TJP1: variants seen among roughly 807,000 people sequenced by gnomAD.
The protein encoded by TJP1 is tight junction protein 1.
A neutral mutation model predicts 194.2 loss-of-function variants in TJP1; 43 were observed. The ratio of observed to expected loss-of-function variants is 0.22; its 90% CI spans 0.17 to 0.29. The LOEUF is 0.29. Among genes scored for constraint, TJP1 ranks in the 10% least tolerant of loss-of-function variants. The pLI is 1.00. For synonymous variants in TJP1, 801 were observed against 779.0 expected (o/e 1.03, Z -0.47); for missense variants, 1,971 against 2,185.7 (o/e 0.90, Z 1.96).
At position 29,716,764 on chromosome 15, in the gene TJP1, T is replaced by C. The variant is rs183651470; in HGVS notation, c.4049A>G (p.Glu1350Gly). 2.5e-6 allele frequency: 4 copies of C among 1,614,182 alleles called. No individual in the cohort carries two copies. The highest frequency in any genetic ancestry group is 3.4e-6 in the Non-Finnish European group (4 of 1,180,014). ...CTGTTTTCGATAATATTCTTCATCT[T>C]CTTCAGGGTCATAATGATTGGACCG... is the stretch of plus-strand genomic sequence containing the variant. ...IVRSNHYDPE[E>G]DEEYYRKQLS... Residue 1350 changes from glutamate to glycine, a missense_variant, in exon 23 of 28, where the codon GAA becomes GGA. This residue lies in a region of TJP1 where 1,108 missense variants were observed against 1,128.5 expected (regional missense o/e 0.98). Transcript: ENST00000614355.
chr15:29,943,813 T>C (rs912267525), intron 2 of TJP1, among the ~76,000 whole-genome samples: 3 of 150,350 alleles, frequency 2.0e-5, no homozygotes, highest in Non-Finnish European at 4.4e-5. Flanking sequence ...CTGGGTATGG[T>C]GGCGCGCGCC....
chr15:29,886,544 G>A (rs2053120326), intron 2 of TJP1, among the ~76,000 whole-genome samples: 1 of 151,460 alleles, frequency 6.6e-6, no homozygotes, highest in Admixed American at 6.6e-5. Context: ...AGTGAGCTAT[G>A]ACTGTGCCTG....
intron 2 of TJP1, among the ~76,000 whole-genome samples, chr15:29,919,892 C>T (rs1384730468): frequency 2.4e-4 from 1 of 4,130 alleles, no homozygotes; most frequent in African/African-American, 1.2e-3. Flanking sequence ...TCCTCTTTCC[C>T]CTTCCCAGTG....
chr15:29,791,787 A>G (rs577046706), intron 2 of TJP1, among the ~76,000 whole-genome samples: 2 of 152,012 alleles, frequency 1.3e-5, no homozygotes, highest in Non-Finnish European at 2.9e-5. Context: ...AGCATTTGTT[A>G]TTGCCTGTCT....
chr15:29,822,670 A>T (rs1473190548), upstream of TJP1: 1 of 184,854 alleles, frequency 5.4e-6, no homozygotes, highest in Middle Eastern at 2.6e-3. Flanking sequence ...CTGCCGTGCG[A>T]GTCTTCCTGT....
chr15:29,729,585 C>G (rs968393746), intron 15 of TJP1: 1 of 152,046 alleles, frequency 6.6e-6, no homozygotes. Flanking sequence ...TTTGGGAGGC[C>G]GAGGTGGGCA....
At chr15:29,800,832 A>G in intron 1 of TJP1, 130 bp from the exon 2 acceptor site, 2 of 811,372 alleles carry the variant, frequency 2.5e-6, no homozygotes, top group Non-Finnish European at 3.8e-6. Flanking sequence ...GACACTCTGA[A>G]AGGACCTTAA....
chr15:29,779,797 T>C (rs2047240816), intron 2 of TJP1, among the ~76,000 whole-genome samples: 1 of 152,132 alleles, frequency 6.6e-6, no homozygotes, highest in African/African-American at 2.4e-5. Flanking sequence ...GGCAGTCGAC[T>C]ACATAACAAA....
intron 11 of TJP1, among the ~76,000 whole-genome samples, chr15:29,735,851 T>C (rs980635656): frequency 6.6e-6 from 1 of 152,062 alleles, no homozygotes; most frequent in Non-Finnish European, 1.5e-5. Context: ...CATGCTAAGT[T>C]TGAAGGGAAA....
Position 29,864,511 on chromosome 15 carries a change from T to C in TJP1, c.307-63809A>G, listed in dbSNP as rs532002094. On this transcript the variant is annotated intron_variant, in intron 2 of 28. Coordinates refer to the TJP1 transcript ENST00000356107. ...CATGGCAGGGGCTTATTGAGAATTGTACAGGTTTCCTACCGTCAACACTGT... is the reference window on the plus strand; with the variant it reads ...CATGGCAGGGGCTTATTGAGAATTGCACAGGTTTCCTACCGTCAACACTGT... 5.4e-4 allele frequency among the ~76,000 whole-genome samples: 82 copies of C among 152,292 alleles called. 1 individual carries two copies. In the South Asian group the frequency reaches 0.016, roughly 29 times the overall value.
chr15:29,882,343 T>C lies in TJP1; in HGVS notation c.306+73889A>G, dbSNP rs559804598. On this transcript the variant is annotated intron_variant, in intron 2 of 28. Transcript: ENST00000356107. ...ATAACTACAGAGCCGACTTTAAATATGAAATGGCTTTCATACCTTCATCTC... is the reference window on the plus strand; with the variant it reads ...ATAACTACAGAGCCGACTTTAAATACGAAATGGCTTTCATACCTTCATCTC... Among the ~76,000 whole-genome samples the C allele has an allele frequency of 3.3e-5, 5 of 152,348 alleles. No homozygotes were observed. The South Asian group carries it at 8.3e-4, about 25-fold the overall frequency.
intron 2 of TJP1, among the ~76,000 whole-genome samples, chr15:29,863,702 T>C (rs2152107144): frequency 1.3e-5 from 2 of 152,248 alleles, no homozygotes; most frequent in South Asian, 4.2e-4. Flanking sequence ...CAGCACAATT[T>C]AGAAAGTGGG....
rs554726590 is a variant in TJP1 at position 29,931,002 on chromosome 15, T to G, written c.306+25230A>C. Among the ~76,000 whole-genome samples the G allele has an allele frequency of 2.0e-5, 3 of 152,206 alleles. No individual in the cohort carries two copies. The East Asian group carries it at 5.8e-4, about 29-fold the overall frequency. ...ATGCAGTCAAAAACCCACCTATAAC[T>G]CCTGACTCCCCCCAGAACTTAACTA... is the stretch of plus-strand genomic sequence containing the variant. On this transcript the variant is annotated intron_variant, in intron 2 of 28. Transcript: ENST00000356107.
chr15:29,918,399 G>T (rs2054252876), intron 2 of TJP1, among the ~76,000 whole-genome samples: 1 of 152,122 alleles, frequency 6.6e-6, no homozygotes, highest in Non-Finnish European at 1.5e-5. Flanking sequence ...CAACGTTAAA[G>T]ACAGAAACCA....
intron 2 of TJP1, among the ~76,000 whole-genome samples, chr15:29,848,094 A>G (rs570479363): frequency 6.6e-6 from 1 of 151,406 alleles, no homozygotes; most frequent in African/African-American, 2.4e-5. Context: ...GTTATTTTAA[A>G]TTTCCTGAGG....
chr15:29,784,742 CGA>C (rs2047590618), intron 2 of TJP1, among the ~76,000 whole-genome samples: 1 of 152,000 alleles, frequency 6.6e-6, no homozygotes. Flanking sequence ...ATCAAAATGA[CGA>C]GATACATGGA....
intron 2 of TJP1, among the ~76,000 whole-genome samples, chr15:29,776,902 T>C (rs565859587): frequency 3.3e-5 from 5 of 152,318 alleles, no homozygotes; most frequent in East Asian, 1.9e-4. Context: ...CTATCAAGAA[T>C]TGTTCTCCTT....
At chr15:29,946,498 G>A (rs893119086) in intron 2 of TJP1, among the ~76,000 whole-genome samples, 5 of 152,218 alleles carry the variant, frequency 3.3e-5, no homozygotes, top group South Asian at 2.1e-4. Context: ...CAGGGCATGC[G>A]CCCTGATGCG....
At chr15:29,778,855 C>A (rs1214197231) in intron 2 of TJP1, among the ~76,000 whole-genome samples, 3 of 152,148 alleles carry the variant, frequency 2.0e-5, no homozygotes, top group Admixed American at 6.5e-5. Context: ...AGTGGTCCAT[C>A]CTGTACATGT....
Sources: gnomAD v4.1 joint callset for allele counts (sites outside exome capture counted in the v4.1 genomes callset) on GRCh38, gnomAD v4.1.1 for gene constraint, gnomAD v4.1.1 regional missense constraint, MANE v1.5 for transcripts, NCBI Gene and HGNC (gene_info 2026-07-23, HGNC 2026-07-21) for gene names.